The following CTNNA3 variants were observed in gnomAD, a reference collection of about 807,000 sequenced individuals.
CTNNA3 encodes the protein catenin alpha 3, also known as catenin alpha-3.
Under a neutral mutation model 95.7 loss-of-function variants are expected in CTNNA3, and 76 were observed. That is an observed-to-expected ratio of 0.79 (90% CI 0.66 to 0.96). The LOEUF is 0.96. Ranked by LOEUF, CTNNA3 falls within the 40% of genes least tolerant of loss-of-function variation. CTNNA3 has a pLI of 0.00. For synonymous variants in CTNNA3, 431 were observed against 374.4 expected, an observed-to-expected ratio of 1.15 and a Z score of -1.74; for missense variants, 1,191 against 1,089.8, an observed-to-expected ratio of 1.09 and a Z score of -1.31.
At chr10:66,869,890 C>G (rs914490985) in intron 7 of CTNNA3, among the ~76,000 whole-genome samples, 29 of 152,134 alleles carry the variant, frequency 1.9e-4, no homozygotes, top group Admixed American at 2.6e-4. Context: ...ACACATAGAC[C>G]TCAAAGCAAT....
chr10:66,324,614 G>A (rs764581201), intron 12 of CTNNA3, among the ~76,000 whole-genome samples: 2 of 152,126 alleles, frequency 1.3e-5, no homozygotes, highest in African/African-American at 4.8e-5. Context: ...CCATCTGCAT[G>A]CTCCCCTTCC....
chr10:67,712,650 G>A (rs1841118496), intron 1 of CTNNA3, among the ~76,000 whole-genome samples: 1 of 152,096 alleles, frequency 6.6e-6, no homozygotes, highest in African/African-American at 2.4e-5. Context: ...GTCAAGAATT[G>A]AGGTTTGGGA....
At chr10:67,682,155 T>C (rs1267413651) in intron 1 of CTNNA3, among the ~76,000 whole-genome samples, 2 of 143,512 alleles carry the variant, frequency 1.4e-5, no homozygotes, top group Non-Finnish European at 3.0e-5. Context: ...CAAAACCCCG[T>C]CTCAAAAAAA....
chr10:66,699,192 T>C (rs551796013), intron 9 of CTNNA3, among the ~76,000 whole-genome samples: 82 of 152,326 alleles, frequency 5.4e-4, no homozygotes, highest in Admixed American at 4.1e-3. Context: ...AGTGCAGATA[T>C]ATTTTCAAGG....
chr10:66,089,910 A>G (rs10822711), intron 14 of CTNNA3, among the ~76,000 whole-genome samples: 63,488 of 151,686 alleles, frequency 0.42, 13,459 homozygotes, highest in South Asian at 0.53. Flanking sequence ...GCATATTTTT[A>G]GAAACTATAT....
intron 12 of CTNNA3, among the ~76,000 whole-genome samples, chr10:66,335,613 G>A (rs189431863): frequency 2.2e-3 from 331 of 152,154 alleles, no homozygotes; most frequent in African/African-American, 7.0e-3. Context: ...AGGAGTACCC[G>A]GCCATGTGAA....
rs114032766 is a variant in CTNNA3, at chr10:66,300,238, T to C, written c.1733-19617A>G. ...AAAATCACCATTAGAATATCACAGA[T>C]ATAATTTTTACTGATGAATGCTAAA... On this transcript the variant is annotated intron_variant, in intron 12 of 17. Coordinates refer to ENST00000433211, the MANE Select transcript of CTNNA3 (RefSeq NM_013266.4). Among the ~76,000 whole-genome samples, 1,216 of 152,226 alleles carry C rather than the reference T, an allele frequency of 8.0e-3. 12 individuals carry two copies. Among genetic ancestry groups the C allele is most frequent in the African/African-American group, 0.028 (1,160 of 41,538 alleles).
chr10:66,585,021 G>T (rs1409235556), intron 10 of CTNNA3, among the ~76,000 whole-genome samples: 2 of 151,930 alleles, frequency 1.3e-5, no homozygotes, highest in Non-Finnish European at 2.9e-5. Context: ...AATTCCATCT[G>T]GCTTATAAGG....
chr10:66,063,688 A>G (rs1195777682), intron 15 of CTNNA3, among the ~76,000 whole-genome samples: 1 of 151,966 alleles, frequency 6.6e-6, no homozygotes, highest in Non-Finnish European at 1.5e-5. Flanking sequence ...TTGCTTTTTT[A>G]TATTTACCCT....
chr10:67,561,868 C>T (rs938145187), intron 3 of CTNNA3, among the ~76,000 whole-genome samples: 5 of 152,180 alleles, frequency 3.3e-5, no homozygotes, highest in Non-Finnish European at 5.9e-5. Flanking sequence ...CACTTCTACA[C>T]AAATAAACTA....
At chr10:67,375,594 C>T (rs1420417459) in intron 5 of CTNNA3, among the ~76,000 whole-genome samples, 3 of 151,890 alleles carry the variant, frequency 2.0e-5, no homozygotes, top group South Asian at 2.1e-4. Flanking sequence ...TAGAGCAAGA[C>T]TCTGTCTCAA....
chr10:66,770,257 T>C (rs1333570339), intron 8 of CTNNA3, among the ~76,000 whole-genome samples: 1 of 152,226 alleles, frequency 6.6e-6, no homozygotes, highest in Non-Finnish European at 1.5e-5. Flanking sequence ...TTCATTAAAT[T>C]GTATAGTCAT....
chr10:66,159,228 GT>G, intron 13 of CTNNA3, among the ~76,000 whole-genome samples: 1 of 152,034 alleles, frequency 6.6e-6, no homozygotes, highest in Middle Eastern at 3.4e-3. Context: ...GCACGCTTGT[GT>G]TGTTCCAGGT....
At chr10:66,128,833 C>A (rs1213026313) in intron 13 of CTNNA3, among the ~76,000 whole-genome samples, 1 of 152,024 alleles carries the variant, frequency 6.6e-6, no homozygotes, top group Non-Finnish European at 1.5e-5. Flanking sequence ...TGTACCCACT[C>A]TGGTGGAGGA....
intron 12 of CTNNA3, among the ~76,000 whole-genome samples, chr10:66,368,405 C>A (rs765457650): frequency 5.3e-5 from 8 of 151,940 alleles, no homozygotes; most frequent in Non-Finnish European, 7.4e-5. Context: ...TTTCTATCTT[C>A]TGGATCTTTT....
chr10:66,691,423 GC>G (rs1411140016), intron 9 of CTNNA3, among the ~76,000 whole-genome samples: 3 of 152,196 alleles, frequency 2.0e-5, no homozygotes, highest in East Asian at 1.9e-4. Context: ...ACCCACCATT[GC>G]CCAGGCTTGC....
chr10:66,416,011 AAAT>A (rs2093142954), intron 11 of CTNNA3, among the ~76,000 whole-genome samples: 1 of 152,220 alleles, frequency 6.6e-6, no homozygotes, highest in South Asian at 2.1e-4. Flanking sequence ...TATTGATTCT[AAAT>A]AATTTCAGTG....
chr10:67,516,801 A>G (rs75882798), intron 5 of CTNNA3, among the ~76,000 whole-genome samples: 1,855 of 152,172 alleles, frequency 0.012, 43 homozygotes, highest in African/African-American at 0.042. Flanking sequence ...TCTACCCTCT[A>G]CTTCTCTGAG....
chr10:67,296,801 G>A (rs1408579197), intron 5 of CTNNA3, among the ~76,000 whole-genome samples: 2 of 151,936 alleles, frequency 1.3e-5, no homozygotes, highest in Non-Finnish European at 2.9e-5. Context: ...AGGCATAGTG[G>A]CAGGTGCCTG....
Sources: gnomAD v4.1 joint callset for allele counts (sites outside exome capture counted in the v4.1 genomes callset) on GRCh38, gnomAD v4.1.1 for gene constraint, MANE v1.5 for transcripts, NCBI Gene and HGNC (gene_info 2026-07-23, HGNC 2026-07-21) for gene names.